GPR158: variants seen among roughly 807,000 people sequenced by gnomAD.
GPR158 encodes G protein-coupled receptor 158.
Under a neutral mutation model 78.2 loss-of-function variants are expected in GPR158, and 30 were observed. The ratio of observed to expected loss-of-function variants is 0.38; its 90% confidence interval spans 0.29 to 0.52. The LOEUF (loss-of-function observed/expected upper bound fraction) is 0.52. Among genes scored for constraint, GPR158 ranks in the 20% least tolerant of loss-of-function variants. The pLI, the probability that GPR158 is intolerant of heterozygous loss-of-function variation, is 0.83. For synonymous variants in GPR158, 581 were observed against 591.1 expected (o/e 0.98, Z 0.25); for missense variants, 1,463 against 1,523.5 (o/e 0.96, Z 0.66).
At chr10:25,280,919 G>C (rs1309067946) in intron 2 of GPR158, among the ~76,000 whole-genome samples, 5 of 152,068 alleles carry the variant, frequency 3.3e-5, no homozygotes, top group African/African-American at 1.2e-4. Context: ...TGGATCACTT[G>C]AGGCCAGGAG....
chr10:25,288,711 T>A (rs1158570306), intron 2 of GPR158, among the ~76,000 whole-genome samples: 1 of 152,178 alleles, frequency 6.6e-6, no homozygotes, highest in Non-Finnish European at 1.5e-5. Flanking sequence ...AGTAAATATC[T>A]GTAGTTGGGA....
intron 5 of GPR158, among the ~76,000 whole-genome samples, chr10:25,494,964 G>A (rs573922788): frequency 9.9e-5 from 15 of 152,016 alleles, no homozygotes; most frequent in Non-Finnish European, 1.3e-4. Flanking sequence ...CAGAGCACAC[G>A]TCCCATATTC....
intron 2 of GPR158, among the ~76,000 whole-genome samples, chr10:25,322,983 A>T (rs1399063798): frequency 6.6e-6 from 1 of 152,036 alleles, no homozygotes; most frequent in African/African-American, 2.4e-5. Context: ...AGTAGCTGGG[A>T]CTACAGATGC....
At chr10:25,374,471 A>G (rs139885955) in intron 2 of GPR158, among the ~76,000 whole-genome samples, 236 of 151,864 alleles carry the variant, frequency 1.6e-3, no homozygotes, top group Non-Finnish European at 1.8e-3. Flanking sequence ...ATGCAATTTT[A>G]TCACAAATGT....
At chr10:25,372,829 G>A (rs1278062437) in intron 2 of GPR158, among the ~76,000 whole-genome samples, 3 of 93,026 alleles carry the variant, frequency 3.2e-5, no homozygotes, top group Non-Finnish European at 4.3e-5. Context: ...TGCACATTGT[G>A]CACATGTACC....
chr10:25,431,335 C>T (rs1432929995), intron 4 of GPR158, among the ~76,000 whole-genome samples: 2 of 148,572 alleles, frequency 1.3e-5, no homozygotes, highest in South Asian at 2.2e-4. Flanking sequence ...GTTAGAATGG[C>T]AGTCATTAAA....
intron 1 of GPR158, among the ~76,000 whole-genome samples, chr10:25,201,698 A>C (rs1852931766): frequency 6.6e-6 from 1 of 151,982 alleles, no homozygotes; most frequent in Non-Finnish European, 1.5e-5. Flanking sequence ...AGGAATGTTG[A>C]ATTTTACTGA....
At chr10:25,550,389 G>T (rs1381334781) in intron 5 of GPR158, among the ~76,000 whole-genome samples, 1 of 152,096 alleles carries the variant, frequency 6.6e-6, no homozygotes, top group Non-Finnish European at 1.5e-5. Flanking sequence ...AATATGGAGT[G>T]GTAGACTGTT....
intron 4 of GPR158, among the ~76,000 whole-genome samples, chr10:25,453,052 G>C (rs1334491983): frequency 6.6e-6 from 1 of 152,114 alleles, no homozygotes; most frequent in Admixed American, 6.6e-5. Flanking sequence ...CAAATGACAG[G>C]ATTTCCTGCT....
chr10:25,344,991 G>T (rs1307498265), intron 2 of GPR158, among the ~76,000 whole-genome samples: 1 of 151,860 alleles, frequency 6.6e-6, no homozygotes, highest in Non-Finnish European at 1.5e-5. Flanking sequence ...ATTAATGAGG[G>T]CTCTGCCTTT....
At chr10:25,464,176 A>C (rs1177371834) in intron 4 of GPR158, among the ~76,000 whole-genome samples, 2 of 152,224 alleles carry the variant, frequency 1.3e-5, no homozygotes, top group Admixed American at 1.3e-4. Context: ...ACAAATGAAA[A>C]GGAGACAGAT....
chr10:25,481,955 C>T (rs1417255696), intron 5 of GPR158, among the ~76,000 whole-genome samples: 3 of 152,158 alleles, frequency 2.0e-5, no homozygotes, highest in Non-Finnish European at 4.4e-5. Context: ...ACTGAGGCTA[C>T]GCCATCATTT....
intron 2 of GPR158, among the ~76,000 whole-genome samples, chr10:25,253,184 C>A (rs1046119048): frequency 1.3e-5 from 2 of 152,266 alleles, no homozygotes; most frequent in Non-Finnish European, 2.9e-5. Flanking sequence ...GCGCACCGTG[C>A]GCGCACCCAC....
At chr10:25,590,187 T>C (rs1476049520) in intron 8 of GPR158, among the ~76,000 whole-genome samples, 2 of 152,106 alleles carry the variant, frequency 1.3e-5, no homozygotes, top group Admixed American at 6.6e-5. Flanking sequence ...GAAAGAGACG[T>C]TGCCAGACAG....
At chr10:25,386,824 G>A (rs776763320) in intron 2 of GPR158, among the ~76,000 whole-genome samples, 1 of 152,068 alleles carries the variant, frequency 6.6e-6, no homozygotes, top group Non-Finnish European at 1.5e-5. Flanking sequence ...TATCCTACAT[G>A]TTTGCTGGAT....
rs971626517 is a variant in GPR158 at position 25,340,277 on chromosome 10, G to C, written c.1009-55634G>C. On this transcript the variant is annotated intron_variant, in intron 2 of 10. Coordinates refer to ENST00000376351, the MANE Select transcript of GPR158 (RefSeq NM_020752.3). ...GATCTTTGAGTTAGTTTCAGCAAGA[G>C]GGTTGATTTGAAACAAGATATACCC... 3.9e-5 allele frequency among the ~76,000 whole-genome samples: 6 copies of C among 152,026 alleles called. 1 individual carries two copies. Among genetic ancestry groups the C allele is most frequent in the Admixed American group, 3.9e-4 (6 of 15,228 alleles).
intron 2 of GPR158, among the ~76,000 whole-genome samples, chr10:25,313,571 G>T (rs1854799437): frequency 6.6e-6 from 1 of 151,830 alleles, no homozygotes; most frequent in Admixed American, 6.6e-5. Flanking sequence ...TTTTCCCAAA[G>T]ATTTTTGATC....
chr10:25,333,860 G>T (rs1041175998), intron 2 of GPR158, among the ~76,000 whole-genome samples: 2 of 152,082 alleles, frequency 1.3e-5, no homozygotes, highest in Non-Finnish European at 2.9e-5. Flanking sequence ...ACTGGGCAGA[G>T]CTTCTTATTT....
intron 2 of GPR158, among the ~76,000 whole-genome samples, chr10:25,283,275 A>G (rs1390987232): frequency 6.6e-6 from 1 of 152,000 alleles, no homozygotes; most frequent in Admixed American, 6.6e-5. Context: ...TGTCACATTT[A>G]TGGGCATAGA....
Sources: allele counts gnomAD v4.1 joint callset (sites outside exome capture counted in the v4.1 genomes callset), GRCh38; gene constraint gnomAD v4.1.1; transcripts MANE v1.5; gene names NCBI Gene and HGNC (gene_info 2026-07-23, HGNC 2026-07-21).